RIMS1: variants seen among roughly 807,000 people sequenced by gnomAD.
The protein encoded by RIMS1 is regulating synaptic membrane exocytosis protein 1.
Under a neutral mutation model 214.1 loss-of-function variants are expected in RIMS1, and 83 were observed. The ratio of observed to expected loss-of-function variants is 0.39; its 90% CI spans 0.32 to 0.47. The LOEUF (loss-of-function observed/expected upper bound fraction) is 0.47, where lower values mean the gene tolerates loss of function less well. Among genes scored for constraint, RIMS1 ranks in the 20% least tolerant of loss-of-function variants. The pLI is 0.99. For synonymous variants in RIMS1, 793 were observed against 786.8 expected (o/e 1.01, Z -0.13); for missense variants, 2,050 against 2,161.8 (o/e 0.95, Z 1.03).
chr6:72,173,030 T>G (rs2047231611), intron 4 of RIMS1, among the ~76,000 whole-genome samples: 1 of 152,214 alleles, frequency 6.6e-6, no homozygotes, highest in African/African-American at 2.4e-5. Flanking sequence ...GATATGTGAG[T>G]GGTAAATTTT....
chr6:72,099,826 C>G, intron 3 of RIMS1, 149 bp from the exon 4 acceptor site: 1 of 639,794 alleles, frequency 1.6e-6, no homozygotes, highest in South Asian at 1.9e-5. Flanking sequence ...GAAAAGTAAA[C>G]ATTTACTTTT....
At chr6:72,082,715 G>A (rs1013577940) in intron 2 of RIMS1, among the ~76,000 whole-genome samples, 1 of 152,100 alleles carries the variant, frequency 6.6e-6, no homozygotes, top group Admixed American at 6.6e-5. Context: ...CCTCACTAGG[G>A]ATAAGTGGGT....
At chr6:72,214,000 A>G (rs916889237) in intron 6 of RIMS1, among the ~76,000 whole-genome samples, 10 of 152,186 alleles carry the variant, frequency 6.6e-5, no homozygotes, top group African/African-American at 2.4e-4. Context: ...GTTAACATAA[A>G]TTTTGGAATT....
At chr6:72,181,600 G>A (rs181349211) in intron 5 of RIMS1, among the ~76,000 whole-genome samples, 18 of 152,324 alleles carry the variant, frequency 1.2e-4, no homozygotes, top group Non-Finnish European at 4.4e-5. Flanking sequence ...AAAATTTGAA[G>A]AAGATTGATA....
chr6:72,160,415 A>G (rs1277518452), intron 4 of RIMS1, among the ~76,000 whole-genome samples: 1 of 139,576 alleles, frequency 7.2e-6, no homozygotes, highest in Non-Finnish European at 1.6e-5. Flanking sequence ...AACTTCCAAC[A>G]CTATGTTGAA....
intron 6 of RIMS1, among the ~76,000 whole-genome samples, chr6:72,189,958 C>G (rs1056771302): frequency 6.6e-6 from 1 of 152,216 alleles, no homozygotes; most frequent in Non-Finnish European, 1.5e-5. Context: ...GTACCTCTTC[C>G]CCAGATTTCT....
chr6:72,321,057 G>T (rs1411578776), intron 28 of RIMS1, among the ~76,000 whole-genome samples: 11 of 151,940 alleles, frequency 7.2e-5, no homozygotes. Flanking sequence ...TTTGCTAACT[G>T]TATACGTACT....
rs190807760 is a variant in RIMS1 at position 72,227,380 on chromosome 6, G to A, written c.1679-6393G>A. The stretch of plus-strand genomic sequence containing the variant: ...TGCTCTATAGTTATAATGCAGTTTC[G>A]TGCACATTATCTCATTCTACCCTCA... On this transcript the variant is annotated intron_variant, in intron 6 of 33. Transcript: ENST00000521978. 1.2e-4 allele frequency among the ~76,000 whole-genome samples: 18 copies of A among 151,802 alleles called. No homozygotes were observed. In the East Asian group the frequency reaches 1.9e-3, roughly 16 times the overall value.
chr6:72,283,426 G>T (rs925844521), intron 23 of RIMS1, among the ~76,000 whole-genome samples: 7 of 152,072 alleles, frequency 4.6e-5, no homozygotes, highest in Non-Finnish European at 7.4e-5. Flanking sequence ...TTTGTAATGT[G>T]ATTAAAATGC....
chr6:71,926,161 G>C (rs1239672528), intron 1 of RIMS1, among the ~76,000 whole-genome samples: 1 of 152,176 alleles, frequency 6.6e-6, no homozygotes, highest in Admixed American at 6.5e-5. Flanking sequence ...TCCATCTCTT[G>C]ACCTTGTGAT....
At chr6:72,186,790 T>A (rs2049175000) in intron 6 of RIMS1, among the ~76,000 whole-genome samples, 1 of 129,318 alleles carries the variant, frequency 7.7e-6, no homozygotes, top group Non-Finnish European at 1.7e-5. Flanking sequence ...CCCCCCCCCA[T>A]ATATATGTGT....
chr6:71,929,498 G>T (rs891431295), intron 1 of RIMS1, among the ~76,000 whole-genome samples: 6 of 152,058 alleles, frequency 3.9e-5, no homozygotes, highest in Admixed American at 3.9e-4. Flanking sequence ...TATTTAACAA[G>T]TTGGTGAGCA....
intron 6 of RIMS1, among the ~76,000 whole-genome samples, chr6:72,213,658 G>A (rs956743883): frequency 6.6e-6 from 1 of 152,186 alleles, no homozygotes; most frequent in South Asian, 2.1e-4. Flanking sequence ...GTAATCATTA[G>A]TGGAATGTCA....
At chr6:72,222,347 G>T (rs2154049443) in intron 6 of RIMS1, among the ~76,000 whole-genome samples, 1 of 152,146 alleles carries the variant, frequency 6.6e-6, no homozygotes, top group South Asian at 2.1e-4. Flanking sequence ...AGACAATTCA[G>T]CTACTCTGTG....
intron 2 of RIMS1, among the ~76,000 whole-genome samples, chr6:72,019,742 G>C (rs376791144): frequency 6.6e-6 from 1 of 152,048 alleles, no homozygotes; most frequent in Non-Finnish European, 1.5e-5. Flanking sequence ...TCTTGGCTCC[G>C]TGGGAATGTG....
At chr6:72,279,069 T>A (rs1387113067) in intron 23 of RIMS1, among the ~76,000 whole-genome samples, 1 of 152,040 alleles carries the variant, frequency 6.6e-6, no homozygotes, top group Admixed American at 6.6e-5. Flanking sequence ...ATTATGATTT[T>A]ATTAATTTTG....
intron 26 of RIMS1, among the ~76,000 whole-genome samples, chr6:72,294,687 T>A (rs1295682914): frequency 6.6e-6 from 1 of 151,768 alleles, no homozygotes; most frequent in African/African-American, 2.4e-5. Context: ...TCTCTATTTA[T>A]ACCATAAAGG....
At chr6:72,239,613 T>G (rs1246846950) in intron 9 of RIMS1, among the ~76,000 whole-genome samples, 1 of 152,240 alleles carries the variant, frequency 6.6e-6, no homozygotes, top group East Asian at 1.9e-4. Context: ...ATTTGCAATC[T>G]TGTTTTAATC....
intron 10 of RIMS1, among the ~76,000 whole-genome samples, chr6:72,242,854 A>G (rs2067561267): frequency 6.6e-6 from 1 of 151,876 alleles, no homozygotes; most frequent in African/African-American, 2.4e-5. Context: ...TTATTATTCT[A>G]CGAAAGAATA....
Sources: allele counts gnomAD v4.1 joint callset (sites outside exome capture counted in the v4.1 genomes callset), GRCh38; gene constraint gnomAD v4.1.1; transcripts MANE v1.5; gene names NCBI Gene and HGNC (gene_info 2026-07-23, HGNC 2026-07-21).